Variants in TFDP1 observed in about 807,000 individuals in gnomAD.
The protein encoded by TFDP1 is transcription factor Dp-1.
TFDP1 carries 6 observed loss-of-function variants against 48.0 expected under a neutral mutation model. The ratio of observed to expected loss-of-function variants is 0.13; its 90% CI spans 0.07 to 0.25. The LOEUF (loss-of-function observed/expected upper bound fraction) is 0.25, where lower values mean the gene tolerates loss of function less well. Ranked by LOEUF, TFDP1 falls within the 10% of genes least tolerant of loss-of-function variation. The pLI is 1.00. For missense variants in TFDP1, 335 were observed against 543.0 expected (o/e 0.62, Z 3.81); for synonymous variants, 201 against 211.6 (o/e 0.95, Z 0.44).
chr13:113,606,887 GT>G (rs1236551290), intron 2 of TFDP1, among the ~76,000 whole-genome samples: 2,057 of 152,238 alleles, frequency 0.014, 47 homozygotes, highest in African/African-American at 0.047. Flanking sequence ...GGAACCCACC[GT>G]GTGGTTTCCT....
At chr13:113,637,760 G>C (rs767096770) in intron 10 of TFDP1, 58 bp from the exon 11 acceptor site, 2 of 1,613,974 alleles carry the variant, frequency 1.2e-6, no homozygotes, top group African/African-American at 1.3e-5. Flanking sequence ...TTGGTTGCCT[G>C]TGCGTCTTGT....
intron 3 of TFDP1, among the ~76,000 whole-genome samples, chr13:113,617,906 A>G (rs760906351): frequency 6.6e-6 from 1 of 152,272 alleles, no homozygotes; most frequent in Non-Finnish European, 1.5e-5. Flanking sequence ...TGAATACTAT[A>G]TTTAGACTCC....
At chr13:113,590,385 T>C (rs2048110870) in intron 2 of TFDP1, among the ~76,000 whole-genome samples, 1 of 152,208 alleles carries the variant, frequency 6.6e-6, no homozygotes, top group African/African-American at 2.4e-5. Flanking sequence ...TCTAAGGGTC[T>C]ACCACCAGGT....
chr13:113,636,265 G>C, intron 9 of TFDP1, 137 bp downstream of exon 9: 1 of 1,250,552 alleles, frequency 8.0e-7, no homozygotes, highest in Non-Finnish European at 1.1e-6. Context: ...TCCATTGGGG[G>C]GTGGTGGGAG....
At chr13:113,629,718 T>C (rs1233294362) in intron 4 of TFDP1, among the ~76,000 whole-genome samples, 1 of 152,184 alleles carries the variant, frequency 6.6e-6, no homozygotes, top group Non-Finnish European at 1.5e-5. Context: ...TATTTTCAGC[T>C]CATGCGGGTT....
chr13:113,591,990 C>T (rs1421037538), intron 2 of TFDP1, among the ~76,000 whole-genome samples: 1 of 152,226 alleles, frequency 6.6e-6, no homozygotes, highest in Non-Finnish European at 1.5e-5. Flanking sequence ...GCTGAGATTC[C>T]CGCAGCATCC....
intron 2 of TFDP1, among the ~76,000 whole-genome samples, chr13:113,604,022 A>G (rs2316120): frequency 0.42 from 64,212 of 151,758 alleles, 14,401 homozygotes; most frequent in African/African-American, 0.56. Flanking sequence ...AAAATTAGCC[A>G]GGCATGGGGT....
intron 10 of TFDP1, chr13:113,637,318 T>TC: frequency 6.6e-5 from 20 of 301,490 alleles, no homozygotes; most frequent in East Asian, 9.5e-5. Flanking sequence ...ATTTATTCCC[T>TC]GAGAGGGTCA....
intron 2 of TFDP1, among the ~76,000 whole-genome samples, chr13:113,610,534 G>A (rs1221909441): frequency 6.6e-6 from 1 of 150,988 alleles, no homozygotes; most frequent in Admixed American, 6.6e-5. Context: ...CATCATACGT[G>A]CCCCTGCTTT....
chr13:113,595,869 T>G (rs1332224528), intron 2 of TFDP1, among the ~76,000 whole-genome samples: 2 of 152,118 alleles, frequency 1.3e-5, no homozygotes, highest in East Asian at 1.9e-4. Context: ...GATCACAAGG[T>G]CAGGATATCG....
At chr13:113,597,663 A>G (rs2048318866) in intron 2 of TFDP1, among the ~76,000 whole-genome samples, 1 of 152,214 alleles carries the variant, frequency 6.6e-6, no homozygotes, top group Admixed American at 6.5e-5. Flanking sequence ...GATGGATTCA[A>G]AAGAGTGAAC....
chr13:113,588,624 GAA>G (rs2048062735), intron 2 of TFDP1, among the ~76,000 whole-genome samples: 1 of 152,210 alleles, frequency 6.6e-6, no homozygotes, highest in South Asian at 2.1e-4. Flanking sequence ...GAGGTACTCT[GAA>G]AAGTTTGCAG....
chr13:113,591,025 A>AAAAG (rs1555350050), intron 2 of TFDP1, among the ~76,000 whole-genome samples: 3 of 148,646 alleles, frequency 2.0e-5, no homozygotes, highest in East Asian at 2.0e-4. Flanking sequence ...AAAAAAAAAA[A>AAAAG]AAAAAGAAAA....
At chr13:113,624,772 G>A (rs1366522750) in intron 4 of TFDP1, among the ~76,000 whole-genome samples, 3 of 148,870 alleles carry the variant, frequency 2.0e-5, no homozygotes, top group Non-Finnish European at 4.4e-5. Context: ...ATGTCCTCAG[G>A]TGTCTCTCAG....
rs182141931 is a variant in TFDP1, at chr13:113,586,759, C to T, written c.12+910C>T. Among the ~76,000 whole-genome samples the T allele has an allele frequency of 2.4e-4, 36 of 152,324 alleles. No individual in the cohort carries two copies. The East Asian group carries it at 6.8e-3, about 29-fold the overall frequency. ...TGGGGTGTCTGCCCTCCCTGACCTGCGACCAGGCATGTCACACGGCATCCC... is the reference window on the plus strand; with the variant it reads ...TGGGGTGTCTGCCCTCCCTGACCTGTGACCAGGCATGTCACACGGCATCCC... On this transcript the variant is annotated intron_variant, in intron 2 of 11. Transcript: ENST00000375370.
chr13:113,596,067 G>C (rs957004212), intron 2 of TFDP1, among the ~76,000 whole-genome samples: 1 of 152,194 alleles, frequency 6.6e-6, no homozygotes, highest in Non-Finnish European at 1.5e-5. Context: ...GGGCGACAGA[G>C]TGAGACTCCG....
chr13:113,639,403 A>G (rs971241330), intron 11 of TFDP1, among the ~76,000 whole-genome samples: 1 of 152,240 alleles, frequency 6.6e-6, no homozygotes, highest in Non-Finnish European at 1.5e-5. Context: ...CAAGTACCTC[A>G]TGAAAGGACA....
chr13:113,593,037 G>A (rs1473669488), intron 2 of TFDP1, among the ~76,000 whole-genome samples: 2 of 143,146 alleles, frequency 1.4e-5, no homozygotes, highest in Admixed American at 6.9e-5. Flanking sequence ...GGCGTGATGC[G>A]TGTGGGTCCT....
chr13:113,594,226 G>A lies in TFDP1; in HGVS notation c.12+8377G>A, dbSNP rs576410369. ...GCCAGGTGACAGGTGTGGTGTACAC[G>A]GGTCCTCAGCCGTGCCCAGGTGACA... On this transcript the variant is annotated intron_variant, in intron 2 of 11. Transcript: ENST00000375370. 9.2e-4 allele frequency among the ~76,000 whole-genome samples: 136 copies of A among 147,372 alleles called. 1 individual carries two copies. The highest frequency in any genetic ancestry group is 3.2e-3 in the African/African-American group (127 of 39,348).
Sources: gnomAD v4.1 joint callset for allele counts (sites outside exome capture counted in the v4.1 genomes callset) on GRCh38, gnomAD v4.1.1 for gene constraint, MANE v1.5 for transcripts, NCBI Gene and HGNC (gene_info 2026-07-23, HGNC 2026-07-21) for gene names.